The following SNRPA variants were observed in gnomAD, a reference collection of about 807,000 sequenced individuals.
SNRPA encodes the protein small nuclear ribonucleoprotein polypeptide A, also known as U1 small nuclear ribonucleoprotein A.
SNRPA carries 10 observed loss-of-function variants against 24.5 expected under a neutral mutation model. The observed-to-expected ratio is 0.41, with a 90% confidence interval of 0.25 to 0.69. The LOEUF (loss-of-function observed/expected upper bound fraction) is 0.69, where lower values mean the gene tolerates loss of function less well. Among genes scored for constraint, SNRPA ranks in the 30% least tolerant of loss-of-function variants. SNRPA has a pLI of 0.33. For synonymous variants in SNRPA, 165 were observed against 148.4 expected, an observed-to-expected ratio of 1.11 and a Z score of -0.81; for missense variants, 283 against 394.7, an observed-to-expected ratio of 0.72 and a Z score of 2.40.
intron 2 of SNRPA, 137 bp downstream of exon 2, chr19:40,757,641 C>T: frequency 1.2e-6 from 1 of 812,508 alleles, no homozygotes; most frequent in East Asian, 2.8e-5. Flanking sequence ...CACCTTGCCT[C>T]ATTTAAAAAT....
At chr19:40,752,307 A>T (rs2082880250) in intron 1 of SNRPA, among the ~76,000 whole-genome samples, 1 of 151,866 alleles carries the variant, frequency 6.6e-6, no homozygotes, top group Non-Finnish European at 1.5e-5. Flanking sequence ...ATTGAACTAC[A>T]GCCTGGGCAA....
intron 1 of SNRPA, among the ~76,000 whole-genome samples, chr19:40,754,099 C>CAT (rs1568484014): frequency 1.4e-4 from 13 of 95,696 alleles, no homozygotes; most frequent in Admixed American, 1.2e-3. Context: ...CAGCGCCCGG[C>CAT]GTTTTTTTTT....
At chr19:40,759,765 G>C (rs1401872025) in intron 3 of SNRPA, 155 bp downstream of exon 3, 4 of 636,606 alleles carry the variant, frequency 6.3e-6, no homozygotes, top group Admixed American at 3.4e-5. Context: ...TCTCTTTTGG[G>C]GGGTATTGAG....
At chr19:40,763,144 T>TG (rs1209198787) in intron 4 of SNRPA, 70 bp downstream of exon 4, 8 of 1,267,750 alleles carry the variant, frequency 6.3e-6, no homozygotes, top group Non-Finnish European at 7.6e-6. Context: ...AGGGACCAGT[T>TG]GGGGGGCTGC....
intron 3 of SNRPA, among the ~76,000 whole-genome samples, chr19:40,760,965 G>C (rs1024004114): frequency 3.2e-4 from 49 of 151,124 alleles, no homozygotes; most frequent in African/African-American, 1.1e-3. Context: ...GTTTTCTTTT[G>C]TTTTTTTTCG....
intron 2 of SNRPA, 32 bp downstream of exon 2, chr19:40,757,536 T>A: frequency 6.3e-7 from 1 of 1,575,546 alleles, no homozygotes; most frequent in South Asian, 1.2e-5. Flanking sequence ...GCTGTGTGGG[T>A]GTGTAAAATG....
rs781175552 is a variant in SNRPA, at chr19:40,751,419, C to T, written c.11C>T (p.Pro4Leu). MAV[P>L]ETRPNHTIYI... ...TCAACACTTCACTCCATGGCAGTTCCCGAGACCCGCCCTAACCACACTATT... is the reference window on the plus strand; with the variant it reads ...TCAACACTTCACTCCATGGCAGTTCTCGAGACCCGCCCTAACCACACTATT... The change falls in exon 1 of 6, where the codon CCC (proline) becomes CTC (leucine). Residue 4 changes from proline to leucine, a missense_variant. Pro to Leu is a moderately conservative substitution (Grantham distance 98). Around this residue, in one of 6 missense-constraint regions of SNRPA, gnomAD observed 32 missense variants for 26.8 expected, o/e 1.19. Transcript: ENST00000243563. 1 of 1,613,028 alleles carries T rather than the reference C, an allele frequency of 6.2e-7. No individual in the cohort carries two copies. Among genetic ancestry groups the T allele is most frequent in the South Asian group, 1.1e-5 (1 of 91,044 alleles).
chr19:40,753,382 A>ATTTTTTT (rs1482457821), intron 1 of SNRPA, among the ~76,000 whole-genome samples: 10 of 62,198 alleles, frequency 1.6e-4, no homozygotes, highest in Non-Finnish European at 2.4e-4. Flanking sequence ...AATTTTGCAT[A>ATTTTTTT]TGTTTTTTTT....
chr19:40,751,666 A>G, intron 1 of SNRPA, 185 bp downstream of exon 1: 1 of 593,322 alleles, frequency 1.7e-6, no homozygotes, highest in East Asian at 2.9e-5. Context: ...CTGCCCTTTA[A>G]CGTGGTCACT....
chr19:40,764,708 T>A (rs758180719), intron 5 of SNRPA, among the ~76,000 whole-genome samples: 10 of 152,188 alleles, frequency 6.6e-5, no homozygotes, highest in Non-Finnish European at 1.3e-4. Flanking sequence ...GTATTGGTTA[T>A]TTTTTTGGTG....
At chr19:40,763,407 A>G in intron 4 of SNRPA, 180 bp from the exon 5 acceptor site, 2 of 644,574 alleles carry the variant, frequency 3.1e-6, no homozygotes, top group Non-Finnish European at 5.6e-6. Flanking sequence ...CCTGTGGCCT[A>G]TAGTCTGTAG....
At chr19:40,756,810 G>C (rs992741747) in intron 1 of SNRPA, among the ~76,000 whole-genome samples, 1 of 152,120 alleles carries the variant, frequency 6.6e-6, no homozygotes, top group Non-Finnish European at 1.5e-5. Context: ...CATTTCCTCT[G>C]AGACTGGGTG....
chr19:40,759,688 G>A, intron 3 of SNRPA, 78 bp downstream of exon 3: 1 of 1,344,422 alleles, frequency 7.4e-7, no homozygotes, highest in South Asian at 1.4e-5. Context: ...GGACAGGGTG[G>A]GGAGAGTTCT....
chr19:40,755,257 CTTTTTTTT>C (rs1004235207), intron 1 of SNRPA, among the ~76,000 whole-genome samples: 9 of 82,582 alleles, frequency 1.1e-4, no homozygotes, highest in African/African-American at 3.5e-4. Flanking sequence ...TTTTTCTTTT[CTTTTTTTT>C]TTTTTTTTTT....
intron 3 of SNRPA, among the ~76,000 whole-genome samples, chr19:40,760,751 T>C (rs983174853): frequency 1.3e-5 from 2 of 152,018 alleles, no homozygotes; most frequent in African/African-American, 2.4e-5. Flanking sequence ...CCAGCCTCTA[T>C]AAAATAGCAA....
At chr19:40,764,883 T>C (rs1302958740) in intron 5 of SNRPA, 125 bp from the exon 6 acceptor site, 4 of 875,238 alleles carry the variant, frequency 4.6e-6, no homozygotes, top group Non-Finnish European at 6.6e-6. Flanking sequence ...GCTGGATAAT[T>C]CTGAGTAATG....
chr19:40,755,224 C>A (rs931271838), intron 1 of SNRPA, among the ~76,000 whole-genome samples: 2 of 151,180 alleles, frequency 1.3e-5, no homozygotes, highest in African/African-American at 2.4e-5. Context: ...TTACAAGCGC[C>A]CTCCACCACG....
chr19:40,757,163 T>G (rs2082911909), intron 1 of SNRPA, 169 bp from the exon 2 acceptor site: 1 of 617,870 alleles, frequency 1.6e-6, no homozygotes, highest in East Asian at 2.8e-5. Flanking sequence ...AGTAGAAGAG[T>G]GTACTTGGCC....
At position 40,751,439 on chromosome 19, in the gene SNRPA, A is replaced by G. The variant is rs1454991457; in HGVS notation, c.31A>G (p.Thr11Ala). 1.9e-6 allele frequency: 3 copies of G among 1,613,154 alleles called. No homozygotes were observed. Among genetic ancestry groups the G allele is most frequent in the Admixed American group, 1.7e-5 (1 of 59,942 alleles). The part of the protein sequence containing the change: MAVPETRPNH[T>A]IYINNLNEKI... ...AGTTCCCGAGACCCGCCCTAACCAC[A>G]CTATTTATATCAACAACCTCAATGA... Residue 11 changes from threonine to alanine, a missense_variant, in exon 1 of 6, where the codon ACT becomes GCT. Around this residue, in one of 6 missense-constraint regions of SNRPA, gnomAD observed 32 missense variants for 26.8 expected, o/e 1.19. Transcript: ENST00000243563.
Sources: gnomAD v4.1 joint callset for allele counts (sites outside exome capture counted in the v4.1 genomes callset) on GRCh38, gnomAD v4.1.1 for gene constraint, gnomAD v4.1.1 regional missense constraint, MANE v1.5 for transcripts, NCBI Gene and HGNC (gene_info 2026-07-23, HGNC 2026-07-21) for gene names.